Variants in CADM2 observed in about 807,000 individuals in gnomAD.
CADM2 encodes the protein immunoglobulin superfamily member 4D.
CADM2 carries 12 observed loss-of-function variants against 49.8 expected under a neutral mutation model. That is an observed-to-expected ratio of 0.24 (90% CI 0.15 to 0.39). CADM2 has a LOEUF of 0.39. Among genes scored for constraint, CADM2 ranks in the 10% least tolerant of loss-of-function variants. The pLI is 1.00. For missense variants in CADM2, 378 were observed against 492.3 expected, an observed-to-expected ratio of 0.77 and a Z score of 2.20; for synonymous variants, 214 against 175.4, an observed-to-expected ratio of 1.22 and a Z score of -1.74.
intron 1 of CADM2, among the ~76,000 whole-genome samples, chr3:85,354,529 G>A (rs946919607): frequency 5.3e-5 from 8 of 150,936 alleles, no homozygotes; most frequent in African/African-American, 1.9e-4. Context: ...GTGACCTAAT[G>A]CAGAGGAAAG....
chr3:85,666,897 T>C (rs1358680004), intron 1 of CADM2, among the ~76,000 whole-genome samples: 2 of 152,020 alleles, frequency 1.3e-5, no homozygotes, highest in African/African-American at 2.4e-5. Flanking sequence ...AGGGATGTCA[T>C]AGTTTTCCAA....
intron 1 of CADM2, among the ~76,000 whole-genome samples, chr3:85,524,265 A>C (rs1223502889): frequency 6.6e-6 from 1 of 151,934 alleles, no homozygotes; most frequent in African/African-American, 2.4e-5. Context: ...TTTTGTGTAT[A>C]ATTTTTTCTT....
intron 2 of CADM2, among the ~76,000 whole-genome samples, chr3:85,729,367 T>C (rs1335733925): frequency 6.6e-6 from 1 of 152,128 alleles, no homozygotes; most frequent in Non-Finnish European, 1.5e-5. Context: ...AAATAAAGAA[T>C]GGGGCCATTT....
rs570122094 is a variant in CADM2 at position 85,189,668 on chromosome 3, C to G, written c.61+230000C>G. Among the ~76,000 whole-genome samples the G allele has an allele frequency of 3.9e-5, 6 of 152,200 alleles. No individual in the cohort carries two copies. In the South Asian group the frequency reaches 1.0e-3, roughly 26 times the overall value. On this transcript the variant is annotated intron_variant, in intron 1 of 9. Transcript: ENST00000383699. ...TGAGTAAATGATGGCTGATTTTAAA[C>G]AATTAACTTTTCTTATTTGATAATT... is the stretch of plus-strand genomic sequence containing the variant.
chr3:85,919,660 A>G (rs1010650198), intron 6 of CADM2, among the ~76,000 whole-genome samples: 1 of 151,852 alleles, frequency 6.6e-6, no homozygotes, highest in African/African-American at 2.4e-5. Flanking sequence ...TCTCTTAACA[A>G]CTTACATTTT....
At chr3:85,000,786 T>C (rs1363545162) in intron 1 of CADM2, among the ~76,000 whole-genome samples, 1 of 152,084 alleles carries the variant, frequency 6.6e-6, no homozygotes, top group Admixed American at 6.6e-5. Context: ...TGTGTGTGCA[T>C]GTGTATATAC....
chr3:85,566,947 C>G (rs374239484), intron 1 of CADM2, among the ~76,000 whole-genome samples: 2 of 152,246 alleles, frequency 1.3e-5, no homozygotes, highest in South Asian at 2.1e-4. Context: ...TTTAGTGACT[C>G]TATTTTTCTC....
At chr3:85,243,292 C>T (rs757916512) in intron 1 of CADM2, among the ~76,000 whole-genome samples, 3 of 151,834 alleles carry the variant, frequency 2.0e-5, no homozygotes, top group Non-Finnish European at 4.4e-5. Context: ...TTCTAAGTAT[C>T]GTTCAATGAA....
chr3:85,832,909 T>G (rs2074245491), intron 3 of CADM2, among the ~76,000 whole-genome samples: 1 of 151,986 alleles, frequency 6.6e-6, no homozygotes, highest in Non-Finnish European at 1.5e-5. Flanking sequence ...GCTTCCAGCT[T>G]CCGCTCATTC....
At chr3:85,413,169 A>C (rs1252407547) in intron 1 of CADM2, among the ~76,000 whole-genome samples, 1 of 136,266 alleles carries the variant, frequency 7.3e-6, no homozygotes, top group Non-Finnish European at 1.6e-5. Flanking sequence ...AAAAATAATA[A>C]TAATAATAAT....
chr3:85,585,826 A>G (rs913492489), intron 1 of CADM2, among the ~76,000 whole-genome samples: 9 of 152,024 alleles, frequency 5.9e-5, no homozygotes, highest in Middle Eastern at 3.2e-3. Context: ...GCTGAGCCCT[A>G]TGATCTTATA....
intron 1 of CADM2, among the ~76,000 whole-genome samples, chr3:85,041,753 T>G (rs551291236): frequency 1.3e-5 from 2 of 152,312 alleles, no homozygotes; most frequent in African/African-American, 4.8e-5. Context: ...GGGAGGTTTG[T>G]CATCTTTGTC....
At chr3:85,528,019 T>G (rs2061208742) in intron 1 of CADM2, among the ~76,000 whole-genome samples, 1 of 152,222 alleles carries the variant, frequency 6.6e-6, no homozygotes, top group Non-Finnish European at 1.5e-5. Context: ...TTTCTCAGTC[T>G]GACTCTGTGT....
chr3:85,419,389 C>A (rs1010632255), intron 1 of CADM2, among the ~76,000 whole-genome samples: 2 of 151,462 alleles, frequency 1.3e-5, no homozygotes, highest in Non-Finnish European at 2.9e-5. Flanking sequence ...ACCCGGGAGG[C>A]GGAGCTTGCA....
chr3:85,133,186 C>G (rs1007853760), intron 1 of CADM2, among the ~76,000 whole-genome samples: 6 of 152,138 alleles, frequency 3.9e-5, no homozygotes, highest in African/African-American at 1.4e-4. Context: ...TGAGCAGCAG[C>G]AAGATTTAGT....
At chr3:85,594,357 T>C (rs1260850149) in intron 1 of CADM2, among the ~76,000 whole-genome samples, 1 of 151,886 alleles carries the variant, frequency 6.6e-6, no homozygotes, top group Non-Finnish European at 1.5e-5. Context: ...TATTTATTTA[T>C]TTATTTATTT....
At chr3:85,029,323 A>G (rs2034875739) in intron 1 of CADM2, among the ~76,000 whole-genome samples, 1 of 152,180 alleles carries the variant, frequency 6.6e-6, no homozygotes, top group African/African-American at 2.4e-5. Flanking sequence ...GGCATTTCAT[A>G]AATCCAAAGA....
At chr3:85,212,809 CTTCTCTTTCT>C (rs2041809417) in intron 1 of CADM2, among the ~76,000 whole-genome samples, 2 of 99,278 alleles carry the variant, frequency 2.0e-5, no homozygotes, top group African/African-American at 5.9e-5. Context: ...TCTTCTTTTT[CTTCTCTTTCT>C]TTCTTTCTTT....
rs149160036 is a variant in CADM2, at chr3:85,728,146, A to G, written c.88+1598A>G. Among the ~76,000 whole-genome samples the G allele has an allele frequency of 4.7e-3, 723 of 152,316 alleles. 7 individuals carry two copies. Among genetic ancestry groups the G allele is most frequent in the African/African-American group, 0.016 (679 of 41,592 alleles). On this transcript the variant is annotated intron_variant, in intron 2 of 9. Coordinates refer to ENST00000383699, the MANE Select transcript of CADM2 (RefSeq NM_001167675.2). The stretch of plus-strand genomic sequence containing the variant: ...AAAGCCATTTCATCATTGGAGAATT[A>G]TAGTCATAAATTATATTACAGGTAT...
Sources: allele counts gnomAD v4.1 joint callset (sites outside exome capture counted in the v4.1 genomes callset), GRCh38; gene constraint gnomAD v4.1.1; transcripts MANE v1.5; gene names NCBI Gene and HGNC (gene_info 2026-07-23, HGNC 2026-07-21).